The following UBE2E3 variants were observed in gnomAD, a reference collection of about 807,000 sequenced individuals.
UBE2E3 encodes the protein ubiquitin conjugating enzyme E2 E3, also known as ubiquitin-conjugating enzyme E2 E3.
UBE2E3 carries 5 observed loss-of-function variants against 23.6 expected under a neutral mutation model. That is an observed-to-expected ratio of 0.21 (90% CI 0.11 to 0.44). UBE2E3 has a LOEUF of 0.44. Ranked by LOEUF, UBE2E3 falls within the 20% of genes least tolerant of loss-of-function variation. The probability of loss-of-function intolerance (pLI) is 0.99; values close to 1 mark genes in which losing one functional copy is unlikely to be tolerated. For synonymous variants in UBE2E3, 78 were observed against 87.5 expected (o/e 0.89, Z 0.60); for missense variants, 81 against 249.8 (o/e 0.32, Z 4.55).
chr2:180,997,694 C>G (rs1303855674), intron 3 of UBE2E3, among the ~76,000 whole-genome samples: 1 of 151,932 alleles, frequency 6.6e-6, no homozygotes, highest in Non-Finnish European at 1.5e-5. Flanking sequence ...ATTTTTTCTT[C>G]CATTATGTAG....
chr2:180,983,978 G>A (rs994821713), intron 2 of UBE2E3, 65 bp from the exon 3 acceptor site: 3 of 1,379,824 alleles, frequency 2.2e-6, no homozygotes, highest in Non-Finnish European at 3.0e-6. Context: ...AGAGGGCAGT[G>A]TAATTCCCTG....
chr2:181,025,924 A>C lies in UBE2E3; in HGVS notation c.246-31769A>C, dbSNP rs2048975. Among the ~76,000 whole-genome samples, 1,189 of 152,112 alleles carry C rather than the reference A, an allele frequency of 7.8e-3. 13 individuals carry two copies. The highest frequency in any genetic ancestry group is 0.027 in the African/African-American group (1,109 of 41,576). The stretch of plus-strand genomic sequence containing the variant: ...AAAGAGCAGGCAATGGATTTATGGA[A>C]ATTTGCACATAAACGTGTAATCACA... On this transcript the variant is annotated intron_variant, in intron 3 of 5. Coordinates refer to ENST00000410062, the MANE Select transcript of UBE2E3 (RefSeq NM_006357.4).
chr2:181,034,790 T>A (rs1686216805), intron 3 of UBE2E3, among the ~76,000 whole-genome samples: 2 of 152,196 alleles, frequency 1.3e-5, no homozygotes, highest in African/African-American at 4.8e-5. Flanking sequence ...TATATTCAGG[T>A]TTCTAAAGAA....
chr2:181,062,758 A>C, intron 5 of UBE2E3, 33 bp from the exon 6 acceptor site: 2 of 1,396,078 alleles, frequency 1.4e-6, no homozygotes, highest in Non-Finnish European at 2.0e-6. Flanking sequence ...AGATACCACA[A>C]AATAGCTTTT....
chr2:180,999,723 G>A (rs982856224), intron 3 of UBE2E3, among the ~76,000 whole-genome samples: 1 of 152,086 alleles, frequency 6.6e-6, no homozygotes, highest in African/African-American at 2.4e-5. Context: ...AAGGGCTTTG[G>A]ACTTAGACAA....
intron 3 of UBE2E3, among the ~76,000 whole-genome samples, chr2:180,989,177 G>A (rs1413987143): frequency 7.2e-5 from 11 of 151,974 alleles, no homozygotes; most frequent in Admixed American, 4.6e-4. Flanking sequence ...GCAAATTGAC[G>A]TTTTATTTTT....
intron 3 of UBE2E3, among the ~76,000 whole-genome samples, chr2:181,018,590 A>G (rs1371312630): frequency 8.0e-6 from 1 of 125,112 alleles, no homozygotes; most frequent in Non-Finnish European, 1.7e-5. Context: ...TTTTGTTTCA[A>G]TTTCTGTGTT....
chr2:180,997,999 ATAT>A (rs1684878642), intron 3 of UBE2E3, among the ~76,000 whole-genome samples: 1 of 151,998 alleles, frequency 6.6e-6, no homozygotes, highest in Non-Finnish European at 1.5e-5. Context: ...TATAGCTCTT[ATAT>A]TTCTTTATAT....
intron 3 of UBE2E3, among the ~76,000 whole-genome samples, chr2:181,038,169 A>G (rs1185141083): frequency 6.6e-6 from 1 of 152,212 alleles, no homozygotes; most frequent in African/African-American, 2.4e-5. Context: ...AGTGCCCAAT[A>G]CAAGTGTACC....
chr2:180,999,177 T>G (rs1355170916), intron 3 of UBE2E3, among the ~76,000 whole-genome samples: 1 of 152,112 alleles, frequency 6.6e-6, no homozygotes. Flanking sequence ...TTTATTATGA[T>G]AAGAGAATAA....
chr2:181,060,858 GTGCTTTTTTT>G (rs373512574), intron 5 of UBE2E3, 46 bp downstream of exon 5: 4 of 404,100 alleles, frequency 9.9e-6, no homozygotes, highest in South Asian at 3.8e-5. Flanking sequence ...ACAAAAACGA[GTGCTTTTTTT>G]TTTTTTTTTT....
intron 3 of UBE2E3, among the ~76,000 whole-genome samples, chr2:180,989,384 A>G (rs975632975): frequency 3.3e-5 from 5 of 152,204 alleles, no homozygotes; most frequent in African/African-American, 1.2e-4. Flanking sequence ...AAGTCTCTCA[A>G]ATTGACATAG....
intron 3 of UBE2E3, among the ~76,000 whole-genome samples, chr2:181,007,500 GTT>G (rs3060035): frequency 2.3e-4 from 33 of 146,012 alleles, no homozygotes; most frequent in African/African-American, 7.0e-4. Flanking sequence ...AAGTATAATT[GTT>G]TTTTTTTTTT....
At chr2:180,989,685 T>A (rs1471456345) in intron 3 of UBE2E3, among the ~76,000 whole-genome samples, 6 of 152,130 alleles carry the variant, frequency 3.9e-5, no homozygotes. Context: ...ACATTTTTAT[T>A]AAGGATCTAT....
chr2:181,032,172 C>G (rs547247174), intron 3 of UBE2E3, among the ~76,000 whole-genome samples: 115 of 152,060 alleles, frequency 7.6e-4, no homozygotes, highest in Non-Finnish European at 1.4e-3. Flanking sequence ...GTTTAGAGGG[C>G]AAAATTAACT....
At chr2:181,012,198 A>C (rs1268926122) in intron 3 of UBE2E3, among the ~76,000 whole-genome samples, 1 of 152,180 alleles carries the variant, frequency 6.6e-6, no homozygotes, top group African/African-American at 2.4e-5. Context: ...GTCAACACTT[A>C]CTACATTAAC....
At chr2:180,986,935 A>G (rs889335635) in intron 3 of UBE2E3, among the ~76,000 whole-genome samples, 1 of 152,166 alleles carries the variant, frequency 6.6e-6, no homozygotes, top group Non-Finnish European at 1.5e-5. Context: ...TTTAATTAGT[A>G]TATAGTTATG....
chr2:181,038,822 T>C (rs1227384879), intron 3 of UBE2E3, among the ~76,000 whole-genome samples: 2 of 152,202 alleles, frequency 1.3e-5, no homozygotes, highest in Admixed American at 1.3e-4. Flanking sequence ...ATAACAGTGG[T>C]GCTTACACAT....
chr2:181,026,180 G>T (rs1435902233), intron 3 of UBE2E3, among the ~76,000 whole-genome samples: 1 of 151,792 alleles, frequency 6.6e-6, no homozygotes, highest in Non-Finnish European at 1.5e-5. Flanking sequence ...CCCTTTGGAG[G>T]ATTAAGTTAA....
Sources: allele counts gnomAD v4.1 joint callset (sites outside exome capture counted in the v4.1 genomes callset), GRCh38; gene constraint gnomAD v4.1.1; transcripts MANE v1.5; gene names NCBI Gene and HGNC (gene_info 2026-07-23, HGNC 2026-07-21).